NELFB: variants seen among roughly 807,000 people sequenced by gnomAD.
The protein encoded by NELFB is negative elongation factor complex member B, also known as negative elongation factor B.
Under a neutral mutation model 60.2 loss-of-function variants are expected in NELFB, and 34 were observed. The observed-to-expected ratio is 0.56, with a 90% CI of 0.43 to 0.75. The LOEUF is 0.75. Among genes scored for constraint, NELFB ranks in the 30% least tolerant of loss-of-function variants. The pLI, the probability that NELFB is intolerant of heterozygous loss-of-function variation, is 0.00. For missense variants in NELFB, 770 were observed against 831.6 expected (o/e 0.93, Z 0.91); for synonymous variants, 459 against 382.1 (o/e 1.20, Z -2.35).
chr9:137,257,243 A>G (rs755286886), intron 4 of NELFB, among the ~76,000 whole-genome samples, 189 bp downstream of exon 4: 17 of 152,236 alleles, frequency 1.1e-4, no homozygotes, highest in African/African-American at 3.1e-4. Context: ...TTCTGTTTGC[A>G]TTTTACTTTT....
At chr9:137,258,653 C>G (rs9330195) in intron 4 of NELFB, among the ~76,000 whole-genome samples, 13 of 151,508 alleles carry the variant, frequency 8.6e-5, no homozygotes, top group African/African-American at 3.2e-4. Flanking sequence ...CAGGGTTTCA[C>G]CATGTTGACC....
At chr9:137,259,888 C>A (rs1830409300) in intron 4 of NELFB, among the ~76,000 whole-genome samples, 2 of 148,840 alleles carry the variant, frequency 1.3e-5, no homozygotes, top group Non-Finnish European at 3.0e-5. Flanking sequence ...CCATGCCCGG[C>A]TAATTTTTTG....
intron 3 of NELFB, 74 bp downstream of exon 3, chr9:137,256,502 G>T: frequency 7.4e-7 from 1 of 1,357,236 alleles, no homozygotes; most frequent in Non-Finnish European, 1.0e-6. Flanking sequence ...TGGAAGTTCC[G>T]GTGGCCGCCT....
chr9:137,261,766 G>A (rs893700919), intron 4 of NELFB, among the ~76,000 whole-genome samples: 1 of 152,030 alleles, frequency 6.6e-6, no homozygotes, highest in Non-Finnish European at 1.5e-5. Flanking sequence ...AAAGACACAA[G>A]GCAAAGAAAT....
Position 137,267,331 on chromosome 9 carries a change from C to A in NELFB, c.1474C>A (p.Leu492Met). Residue 492 changes from leucine (L) to methionine (M), a missense_variant, in exon 10 of 13, where the codon CTG (leucine) becomes ATG (methionine). Transcript: ENST00000343053. ...GAGGAACAAGAACGCGCTCCTCCGCCTGCTGCCCGGGCTGGGTAAGTCCTG... is the reference window on the plus strand; with the variant it reads ...GAGGAACAAGAACGCGCTCCTCCGCATGCTGCCCGGGCTGGGTAAGTCCTG... The A allele has an allele frequency of 6.2e-7, 1 of 1,610,450 alleles. No homozygotes were observed. Among genetic ancestry groups the A allele is most frequent in the Non-Finnish European group, 8.5e-7 (1 of 1,178,542 alleles).
chr9:137,257,915 C>T (rs1837582452), intron 4 of NELFB, among the ~76,000 whole-genome samples: 1 of 151,636 alleles, frequency 6.6e-6, no homozygotes, highest in South Asian at 2.1e-4. Flanking sequence ...CTAAAGTGAT[C>T]TTCCTGAGTA....
chr9:137,260,885 C>T (rs1459467585), intron 4 of NELFB, among the ~76,000 whole-genome samples: 1 of 144,848 alleles, frequency 6.9e-6, no homozygotes, highest in Non-Finnish European at 1.5e-5. Context: ...ATGGTAAAAA[C>T]CCATCTCTAC....
rs140200716 is a variant in NELFB, at chr9:137,273,386, G to A, written c.*458G>A. The stretch of plus-strand genomic sequence containing the variant: ...GGCCTGTGCCATGGTGGGTGTCCTG[G>A]GGCCTGTGCGGAGGGAGCCACCTCA... On this transcript the variant is annotated 3_prime_UTR_variant, in exon 13 of 13. Coordinates refer to ENST00000343053, the MANE Select transcript of NELFB (RefSeq NM_015456.5). The A allele has an allele frequency of 4.4e-3, 699 of 159,360 alleles. 9 individuals are homozygous for A. The highest frequency in any genetic ancestry group is 0.016 in the African/African-American group (661 of 41,798). The allele number at this position is 159,360 out of a possible 1,614,324, so 9.9% of individuals were successfully genotyped here. A position where few individuals can be genotyped will look rare whatever the true frequency, so the allele number is the denominator to read the frequency against.
At position 137,257,744 on chromosome 9, in the gene NELFB, C is replaced by T. The variant is rs539932612; in HGVS notation, c.741+690C>T. On this transcript the variant is annotated intron_variant, in intron 4 of 12. Coordinates refer to ENST00000343053, the MANE Select transcript of NELFB (RefSeq NM_015456.5). ...CTTGAACTCCTGACCTCAGGTGATC[C>T]GCCCCCCTCGGCCTCCCAAAGTGCT... 3.5e-3 allele frequency among the ~76,000 whole-genome samples: 537 copies of T among 151,760 alleles called. 2 individuals are homozygous for T. Among genetic ancestry groups the T allele is most frequent in the African/African-American group, 0.012 (509 of 41,390 alleles).
At chr9:137,257,179 G>GCCCT in intron 4 of NELFB, 125 bp downstream of exon 4, 1 of 791,068 alleles carries the variant, frequency 1.3e-6, no homozygotes, top group Middle Eastern at 3.3e-4. Flanking sequence ...CTTCTTGGCT[G>GCCCT]GGTGGTGGGG....
chr9:137,273,176 C>T lies in NELFB; in HGVS notation c.*248C>T. Reference sequence around the variant, plus strand: ...CTTTGGCAGCCATAGAAAGCGTGCTCATTTTCTGTTTTCCTGTGTTAGGAA... The same window carrying T: ...CTTTGGCAGCCATAGAAAGCGTGCTTATTTTCTGTTTTCCTGTGTTAGGAA... On this transcript the variant is annotated 3_prime_UTR_variant, in exon 13 of 13. Coordinates refer to ENST00000343053, the MANE Select transcript of NELFB (RefSeq NM_015456.5). 5.2e-6 allele frequency: 2 copies of T among 382,618 alleles called. No individual in the cohort carries two copies. The highest frequency in any genetic ancestry group is 9.3e-6 in the Non-Finnish European group (2 of 214,482). 23.7% of individuals were successfully genotyped at this position (382,618 alleles called of 1,614,324 possible).
chr9:137,256,020 G>A lies in NELFB; in HGVS notation c.360G>A (p.Lys120=), dbSNP rs760254481. Residue 120 remains lysine, a synonymous_variant, in exon 2 of 13, where the codon AAG becomes AAA. Transcript: ENST00000343053. ...CGGTATTCGATGAGCTGCGGGACAA[G>A]CTGCTGGAGCGAGTGTCAGCCATCG... The A allele has an allele frequency of 6.2e-7, 1 of 1,613,872 alleles. No homozygotes were observed. The highest frequency in any genetic ancestry group is 1.3e-5 in the African/African-American group (1 of 75,062).
In NELFB at chr9:137,272,878, C is replaced by T. The variant is rs1409246499; in HGVS notation, c.1837C>T (p.Pro613Ser). 5 of 1,547,712 alleles carry T rather than the reference C, an allele frequency of 3.2e-6. No homozygotes were observed. In the Admixed American group the frequency reaches 7.9e-5, roughly 24 times the overall value. The change falls in exon 13 of 13, where the codon CCG becomes TCG. Residue 613 changes from proline to serine, a missense_variant. By Grantham distance (74) the Pro-to-Ser change is moderately conservative. Coordinates refer to ENST00000343053, the MANE Select transcript of NELFB (RefSeq NM_015456.5). ...CAGCCCGGCACAGGCTGCGGAGACG[C>T]CGGCCCTGGAGCTGCCCCTCCCCAG...
At position 137,265,937 on chromosome 9, in the gene NELFB, C is replaced by T. The variant is rs1285684485; in HGVS notation, c.1101C>T (p.Val367=). 6.2e-7 allele frequency: 1 copy of T among 1,613,016 alleles called. No individual in the cohort carries two copies. Among genetic ancestry groups the T allele is most frequent in the Non-Finnish European group, 8.5e-7 (1 of 1,179,930 alleles). ...TCAACACGCTGGCACTGAGCACAGT[C>T]AGGCACCTGCAGGAGCTGGTCGGCC... Residue 367 remains valine, a synonymous_variant, in exon 7 of 13, where the codon GTC becomes GTT. Transcript: ENST00000343053.
At chr9:137,267,169 C>T (rs1830530122) in intron 9 of NELFB, 71 bp from the exon 10 acceptor site, 2 of 1,610,906 alleles carry the variant, frequency 1.2e-6, no homozygotes, top group Admixed American at 1.7e-5. Flanking sequence ...CAGGGCTGGG[C>T]AGGGGTCGGT....
rs904888610 is a variant in NELFB, at chr9:137,255,898, C to T, written c.247-9C>T. On this transcript the variant is annotated splice_polypyrimidine_tract_variant and intron_variant, in intron 1 of 12. Transcript: ENST00000343053. ...GGGCTGCGTTTGAGGTTTCTCTTGG[C>T]TTCCTCAGACAGAGAATGGTGTGCT... 14 of 1,612,750 alleles carry T rather than the reference C, an allele frequency of 8.7e-6. No individual in the cohort carries two copies. Among genetic ancestry groups the T allele is most frequent in the African/African-American group, 1.3e-5 (1 of 74,916 alleles).
rs1035401496 is a variant in NELFB, at chr9:137,258,078, T to G, written c.741+1024T>G. Among the ~76,000 whole-genome samples the G allele has an allele frequency of 2.4e-4, 36 of 149,162 alleles. No individual in the cohort carries two copies. In the Admixed American group the frequency reaches 2.4e-3, roughly 10 times the overall value. On this transcript the variant is annotated intron_variant, in intron 4 of 12. Coordinates refer to ENST00000343053, the MANE Select transcript of NELFB (RefSeq NM_015456.5). Reference sequence around the variant, plus strand: ...CATCAGCCTTCTAAAGTGCTGGGATTACAGACATGAGGCACCATGCCTAGC... The same window carrying G: ...CATCAGCCTTCTAAAGTGCTGGGATGACAGACATGAGGCACCATGCCTAGC...
intron 6 of NELFB, among the ~76,000 whole-genome samples, chr9:137,265,109 A>G (rs569653103): frequency 2.2e-5 from 3 of 134,088 alleles, no homozygotes; most frequent in East Asian, 4.6e-4. Context: ...GTCTCCCTCA[A>G]CCTCCTGGGC....
intron 4 of NELFB, among the ~76,000 whole-genome samples, chr9:137,261,527 C>T (rs900229596): frequency 6.6e-5 from 10 of 151,098 alleles, no homozygotes; most frequent in South Asian, 4.2e-4. Context: ...TCATGGCAGC[C>T]GGCGCCTGTA....
Sources: allele counts gnomAD v4.1 joint callset (sites outside exome capture counted in the v4.1 genomes callset), GRCh38; gene constraint gnomAD v4.1.1; transcripts MANE v1.5; gene names NCBI Gene and HGNC (gene_info 2026-07-23, HGNC 2026-07-21).